Variants in DGKI observed in about 807,000 individuals in gnomAD.
DGKI encodes DAG kinase iota.
In DGKI, 55 loss-of-function variants were observed where a neutral mutation model predicts 147.5. The observed-to-expected ratio is 0.37, with a 90% CI of 0.30 to 0.47. The LOEUF is 0.47. Ranked by LOEUF, DGKI falls within the 20% of genes least tolerant of loss-of-function variation. The pLI is 1.00. For synonymous variants in DGKI, 469 were observed against 477.1 expected (o/e 0.98, Z 0.22); for missense variants, 1,007 against 1,323.8 (o/e 0.76, Z 3.71).
At chr7:137,672,766 CTTTTTTTTT>C (rs60078498) in intron 3 of DGKI, among the ~76,000 whole-genome samples, 1,477 of 65,520 alleles carry the variant, frequency 0.023, 32 homozygotes, top group Admixed American at 0.081. Flanking sequence ...CTCTGTGTGT[CTTTTTTTTT>C]TTTTTTTTTT....
In DGKI at chr7:137,846,165, A is replaced by T. The variant is rs201151305; in HGVS notation, c.401+297T>A. On this transcript the variant is annotated intron_variant, in intron 1 of 32. Transcript: ENST00000614521. This position sits in a 1 kb window ranked among gnomAD's most constrained non-coding sequence, Gnocchi z 4.0. The stretch of plus-strand genomic sequence containing the variant: ...CTCTCTCTCTCTCTCTCTCTCTCAC[A>T]CACACACACACACACACACACACAC... 0.19 allele frequency among the ~76,000 whole-genome samples: 9,450 copies of T among 48,706 alleles called. 232 individuals carry two copies. The highest frequency in any genetic ancestry group is 0.25 in the African/African-American group (2,956 of 11,852). 32.0% of individuals were successfully genotyped at this position (48,706 alleles called of 152,430 possible).
intron 10 of DGKI, among the ~76,000 whole-genome samples, chr7:137,606,220 A>AT (rs1820180215): frequency 6.6e-6 from 1 of 152,178 alleles, no homozygotes; most frequent in Admixed American, 6.5e-5. Context: ...CAAGTAAAAT[A>AT]TTATATAAAG....
At chr7:137,555,932 T>G (rs919388100) in intron 19 of DGKI, among the ~76,000 whole-genome samples, 4 of 151,218 alleles carry the variant, frequency 2.6e-5, no homozygotes, top group Non-Finnish European at 4.4e-5. Context: ...ACAAAAAATT[T>G]TATCCTAAAT....
At chr7:137,598,923 T>G (rs1819890165) in intron 11 of DGKI, among the ~76,000 whole-genome samples, 1 of 152,110 alleles carries the variant, frequency 6.6e-6, no homozygotes. Context: ...CAAACTCAAC[T>G]GGTGAAGAAA....
intron 12 of DGKI, among the ~76,000 whole-genome samples, chr7:137,591,606 G>T (rs1264092224): frequency 6.6e-6 from 1 of 152,154 alleles, no homozygotes; most frequent in Non-Finnish European, 1.5e-5. Flanking sequence ...CAAATTGGCT[G>T]GGTGAGTTTA....
intron 8 of DGKI, among the ~76,000 whole-genome samples, chr7:137,619,055 A>G (rs546498028): frequency 6.8e-4 from 104 of 152,326 alleles, no homozygotes; most frequent in African/African-American, 2.4e-3. Flanking sequence ...ATTGCATTTG[A>G]TAAGTCTTCC....
In DGKI at chr7:137,431,717, C is replaced by G. The variant is rs544737578; in HGVS notation, c.2761+12360G>C. 5.4e-4 allele frequency among the ~76,000 whole-genome samples: 83 copies of G among 152,296 alleles called. No homozygotes were observed. In the Middle Eastern group the frequency reaches 0.014, roughly 25 times the overall value. Reference sequence around the variant, plus strand: ...CATTGCTTAGTGTTCTCTCCTGGCTCAGAAGCCTGTAAATGTCCAGAGCAG... The same window carrying G: ...CATTGCTTAGTGTTCTCTCCTGGCTGAGAAGCCTGTAAATGTCCAGAGCAG... On this transcript the variant is annotated intron_variant, in intron 28 of 32. Transcript: ENST00000614521.
At chr7:137,660,865 A>G (rs1163808126) in intron 3 of DGKI, among the ~76,000 whole-genome samples, 2 of 149,452 alleles carry the variant, frequency 1.3e-5, no homozygotes, top group Admixed American at 1.3e-4. Context: ...GTAGGAGAGA[A>G]GGGAGAGGAG....
Position 137,638,443 on chromosome 7 carries a change from T to C in DGKI, c.804+7029A>G, listed in dbSNP as rs183872688. 1.7e-3 allele frequency among the ~76,000 whole-genome samples: 220 copies of C among 127,594 alleles called. 2 individuals are homozygous for C. Among genetic ancestry groups the C allele is most frequent in the East Asian group, 5.3e-3 (22 of 4,126 alleles). The allele number at this position is 127,594 out of a possible 152,430, so 83.7% of individuals were successfully genotyped here. ...GCAAGAACAACTATATATATATATA[T>C]ACACACACACATATATATGTGTGTA... On this transcript the variant is annotated intron_variant, in intron 6 of 32. Coordinates refer to ENST00000614521, the MANE Select transcript of DGKI (RefSeq NM_001321708.2).
At chr7:137,447,487 A>G (rs921906580) in intron 27 of DGKI, among the ~76,000 whole-genome samples, 2 of 152,232 alleles carry the variant, frequency 1.3e-5, no homozygotes, top group African/African-American at 4.8e-5. Context: ...GAATCATCTG[A>G]ACTTGGCTTT....
intron 27 of DGKI, among the ~76,000 whole-genome samples, chr7:137,462,957 C>A (rs77321124): frequency 6.6e-6 from 1 of 152,114 alleles, no homozygotes; most frequent in African/African-American, 2.4e-5. Context: ...GATCTACAAA[C>A]AAATGCTGTA....
At chr7:137,626,321 T>TCA (rs1223335930) in intron 6 of DGKI, among the ~76,000 whole-genome samples, 3 of 119,710 alleles carry the variant, frequency 2.5e-5, no homozygotes, top group African/African-American at 1.0e-4. Context: ...AAAGTGCTTC[T>TCA]GACACACACA....
intron 11 of DGKI, 63 bp downstream of exon 11, chr7:137,599,759 TG>T: frequency 6.9e-7 from 1 of 1,442,242 alleles, no homozygotes; most frequent in South Asian, 1.1e-5. Flanking sequence ...AATCAGATAA[TG>T]AAGCAGAAAA....
At position 137,472,398 on chromosome 7, in the gene DGKI, TTATTATATGTATATATACATATACA is replaced by T. The variant is rs1815009153; in HGVS notation, c.2374-2804_2374-2780del. Among the ~76,000 whole-genome samples the T allele has an allele frequency of 7.5e-5, 8 of 107,340 alleles. No homozygotes were observed. In the South Asian group the frequency reaches 1.6e-3, roughly 21 times the overall value. 70.4% of individuals were successfully genotyped at this position (107,340 alleles called of 152,430 possible). ...TTATATGTATATATACATATTATAA[TTATTATATGTATATATACATATACA>T]TATTATATGTACATATACATATATA... On this transcript the variant is annotated intron_variant, in intron 23 of 32. Coordinates refer to ENST00000614521, the MANE Select transcript of DGKI (RefSeq NM_001321708.2).
rs1253979247 is a variant in DGKI, at chr7:137,407,843, T to C, written c.2920+32A>G. 8 of 1,610,268 alleles carry C rather than the reference T, an allele frequency of 5.0e-6. No individual in the cohort carries two copies. In the East Asian group the frequency reaches 1.8e-4, roughly 36 times the overall value. On this transcript the variant is annotated intron_variant, in intron 30 of 32. Transcript: ENST00000614521. ...AAATGCAATGGATTTCACAGGTAAGTGATCCTTGGTAAGTTCACTATGCCT... is the reference window on the plus strand; with the variant it reads ...AAATGCAATGGATTTCACAGGTAAGCGATCCTTGGTAAGTTCACTATGCCT...
At chr7:137,795,490 T>C (rs1796993434) in intron 1 of DGKI, among the ~76,000 whole-genome samples, 1 of 152,224 alleles carries the variant, frequency 6.6e-6, no homozygotes, top group South Asian at 2.1e-4. Flanking sequence ...AGGGGATTTT[T>C]CCAAAAGAAT....
At chr7:137,442,975 T>A (rs1032685658) in intron 28 of DGKI, among the ~76,000 whole-genome samples, 7 of 151,996 alleles carry the variant, frequency 4.6e-5, no homozygotes, top group Non-Finnish European at 8.8e-5. Flanking sequence ...ATAGAAACCA[T>A]CTATATGGCA....
chr7:137,391,149 G>T lies in DGKI; in HGVS notation c.*71C>A, dbSNP rs912484728. The T allele has an allele frequency of 8.8e-7, 1 of 1,135,824 alleles. No individual in the cohort carries two copies. 70.4% of individuals were successfully genotyped at this position (1,135,824 alleles called of 1,614,324 possible). A position where few individuals can be genotyped will look rare whatever the true frequency, so the allele number is the denominator to read the frequency against. On this transcript the variant is annotated 3_prime_UTR_variant, in exon 33 of 33. Transcript: ENST00000614521. ...TATGAATTCCATCAGCTTCTTCCAG[G>T]GGAGCTGCCCAATTGCAGGGAGGGC... is the stretch of plus-strand genomic sequence containing the variant.
At chr7:137,725,860 T>G (rs541161799) in intron 1 of DGKI, among the ~76,000 whole-genome samples, 1 of 152,356 alleles carries the variant, frequency 6.6e-6, no homozygotes, top group African/African-American at 2.4e-5. Context: ...ATCTACTGAC[T>G]GATTTTTATT....
Sources: gnomAD v4.1 joint callset for allele counts (sites outside exome capture counted in the v4.1 genomes callset) on GRCh38, gnomAD v4.1.1 for gene constraint, Gnocchi (gnomAD v3.1) non-coding constraint, MANE v1.5 for transcripts, NCBI Gene and HGNC (gene_info 2026-07-23, HGNC 2026-07-21) for gene names.